KHDRBS2: variants seen among roughly 807,000 people sequenced by gnomAD.
The protein encoded by KHDRBS2 is KH domain-containing, RNA-binding, signal transduction-associated protein 2.
In KHDRBS2, 26 loss-of-function variants were observed where a neutral mutation model predicts 44.3. The observed-to-expected ratio is 0.59, with a 90% CI of 0.43 to 0.81. KHDRBS2 has a LOEUF of 0.81. KHDRBS2 is among the 40% of genes least tolerant of loss of function. KHDRBS2 has a pLI of 0.00. For synonymous variants in KHDRBS2, 194 were observed against 151.1 expected (o/e 1.28, Z -2.08); for missense variants, 476 against 433.1 (o/e 1.10, Z -0.88).
chr6:62,191,959 A>T (rs552098618), intron 1 of KHDRBS2, among the ~76,000 whole-genome samples: 3 of 152,092 alleles, frequency 2.0e-5, no homozygotes, highest in Admixed American at 6.6e-5. Flanking sequence ...TTAGAAAGTG[A>T]TATTTTATGC....
intron 6 of KHDRBS2, among the ~76,000 whole-genome samples, chr6:61,787,415 C>T (rs1727014892): frequency 6.6e-6 from 1 of 151,736 alleles, no homozygotes; most frequent in African/African-American, 2.4e-5. Flanking sequence ...ATGACAGATA[C>T]TATTCTACAA....
At chr6:62,007,161 C>T (rs1009044115) in intron 3 of KHDRBS2, among the ~76,000 whole-genome samples, 4 of 152,032 alleles carry the variant, frequency 2.6e-5, no homozygotes, top group African/African-American at 9.6e-5. Context: ...ACAAATATTT[C>T]CCAATCCAGT....
chr6:61,736,270 T>A (rs1332581983), intron 6 of KHDRBS2, among the ~76,000 whole-genome samples: 1 of 141,824 alleles, frequency 7.1e-6, no homozygotes, highest in African/African-American at 2.6e-5. Flanking sequence ...GGATGTGGAG[T>A]GGATGTTTTG....
intron 3 of KHDRBS2, among the ~76,000 whole-genome samples, chr6:62,010,457 G>A (rs1780090422): frequency 6.6e-6 from 1 of 152,098 alleles, no homozygotes; most frequent in Non-Finnish European, 1.5e-5. Context: ...GGGGACTGTT[G>A]GGAAGGCATG....
chr6:61,933,577 A>G (rs540926884), intron 4 of KHDRBS2, among the ~76,000 whole-genome samples: 29 of 152,328 alleles, frequency 1.9e-4, no homozygotes, highest in African/African-American at 5.3e-4. Flanking sequence ...AAACCTAGAT[A>G]GTATAGCCTA....
At chr6:62,130,500 T>C (rs1333244109) in intron 2 of KHDRBS2, among the ~76,000 whole-genome samples, 1 of 152,152 alleles carries the variant, frequency 6.6e-6, no homozygotes, top group East Asian at 1.9e-4. Context: ...AGATAACTAA[T>C]AGGGAAGATA....
chr6:61,759,732 T>G (rs1779005627), intron 6 of KHDRBS2, among the ~76,000 whole-genome samples: 1 of 152,204 alleles, frequency 6.6e-6, no homozygotes, highest in South Asian at 2.1e-4. Context: ...CCTCAAGTCA[T>G]GCTAAACAGG....
intron 2 of KHDRBS2, among the ~76,000 whole-genome samples, chr6:62,061,125 C>T (rs1303291624): frequency 6.6e-6 from 1 of 151,850 alleles, no homozygotes; most frequent in African/African-American, 2.4e-5. Context: ...GACTCTTTAT[C>T]CAATTTGCCA....
intron 7 of KHDRBS2, among the ~76,000 whole-genome samples, chr6:61,707,792 T>C (rs1039371752): frequency 5.9e-5 from 9 of 151,680 alleles, no homozygotes; most frequent in African/African-American, 2.2e-4. Context: ...ATGCTCTGAG[T>C]CATTAAAATA....
chr6:62,036,678 C>G (rs1562694575), intron 3 of KHDRBS2, among the ~76,000 whole-genome samples: 2 of 151,934 alleles, frequency 1.3e-5, no homozygotes, highest in African/African-American at 4.8e-5. Flanking sequence ...TGTTAATCTA[C>G]TAGTGAAAGC....
chr6:62,079,380 G>T lies in KHDRBS2; in HGVS notation c.220-31386C>A, dbSNP rs190031817. Among the ~76,000 whole-genome samples the T allele has an allele frequency of 1.8e-3, 276 of 152,040 alleles. 10 individuals are homozygous for T. The South Asian group carries it at 0.052, about 29-fold the overall frequency. On this transcript the variant is annotated intron_variant, in intron 2 of 8. Transcript: ENST00000281156. ...TAGAAATCCTGTAGGCAGCTACTAT[G>T]TATGTAGCATTATTGGACAGCCTGG...
At chr6:61,600,026 C>G in the KHDRBS2 span, among the ~76,000 whole-genome samples, 2 of 152,180 alleles carry the variant, frequency 1.3e-5, no homozygotes, top group African/African-American at 4.8e-5. Context: ...AATTACATGA[C>G]AGTTGGTACA....
chr6:61,866,194 T>C (rs1797767181), intron 6 of KHDRBS2, among the ~76,000 whole-genome samples: 2 of 152,224 alleles, frequency 1.3e-5, no homozygotes, highest in South Asian at 4.1e-4. Context: ...GCAGAGGTTC[T>C]CATGAGAGTC....
chr6:61,998,585 C>G (rs1777657298), intron 3 of KHDRBS2, among the ~76,000 whole-genome samples: 1 of 152,038 alleles, frequency 6.6e-6, no homozygotes, highest in Non-Finnish European at 1.5e-5. Flanking sequence ...TCACTTTAAA[C>G]CAAAATACGT....
At position 61,914,678 on chromosome 6, in the gene KHDRBS2, C is replaced by T. The variant is rs377549290; in HGVS notation, c.484-13307G>A. Among the ~76,000 whole-genome samples the T allele has an allele frequency of 3.9e-5, 6 of 151,994 alleles. No homozygotes were observed. The East Asian group carries it at 1.2e-3, about 29-fold the overall frequency. The stretch of plus-strand genomic sequence containing the variant: ...TATAATAATAATACTTTTTAAAAAG[C>T]ATTTCTAAACAAAGAGACTTCTTAA... On this transcript the variant is annotated intron_variant, in intron 4 of 8. Coordinates refer to ENST00000281156, the MANE Select transcript of KHDRBS2 (RefSeq NM_152688.4).
At chr6:61,558,525 G>T in the KHDRBS2 span, among the ~76,000 whole-genome samples, 11 of 152,108 alleles carry the variant, frequency 7.2e-5, no homozygotes, top group Non-Finnish European at 1.5e-5. Context: ...TTATACCATT[G>T]CAGTCCAGCC....
At chr6:61,623,890 A>G in the KHDRBS2 span, among the ~76,000 whole-genome samples, 1 of 152,192 alleles carries the variant, frequency 6.6e-6, no homozygotes, top group Admixed American at 6.5e-5. Context: ...GCTTTAAAAC[A>G]CAGTGGAGAG....
intron 2 of KHDRBS2, among the ~76,000 whole-genome samples, chr6:62,156,069 A>G (rs548365285): frequency 1.3e-5 from 2 of 152,276 alleles, no homozygotes; most frequent in South Asian, 4.1e-4. Context: ...TTCCCCATAC[A>G]TTTTCCAGGG....
At position 62,169,059 on chromosome 6, in the gene KHDRBS2, A is replaced by ATATATATATATATATATATG. The variant is rs1338584117; in HGVS notation, c.219+8125_219+8126insCATATATATATATATATATA. ...CATATATATATATATATATATATAT[A>ATATATATATATATATATATG]TATGTATACATGAATATAAATATAT... On this transcript the variant is annotated intron_variant, in intron 2 of 8. Coordinates refer to ENST00000281156, the MANE Select transcript of KHDRBS2 (RefSeq NM_152688.4). Among the ~76,000 whole-genome samples, 185 of 139,562 alleles carry ATATATATATATATATATATG rather than the reference A, an allele frequency of 1.3e-3. 1 individual carries two copies. The highest frequency in any genetic ancestry group is 9.3e-3 in the South Asian group (41 of 4,418). 91.6% of individuals were successfully genotyped at this position (139,562 alleles called of 152,430 possible). A position where few individuals can be genotyped will look rare whatever the true frequency, so the allele number is the denominator to read the frequency against.
Sources: allele counts gnomAD v4.1 joint callset (sites outside exome capture counted in the v4.1 genomes callset), GRCh38; gene constraint gnomAD v4.1.1; transcripts MANE v1.5; gene names NCBI Gene and HGNC (gene_info 2026-07-23, HGNC 2026-07-21).